TOGARAM2: variants seen among roughly 807,000 people sequenced by gnomAD.
The protein encoded by TOGARAM2 is TOG array regulator of axonemal microtubules protein 2.
In TOGARAM2, 85 loss-of-function variants were observed where a neutral mutation model predicts 93.3. That is an observed-to-expected ratio of 0.91 (90% confidence interval 0.76 to 1.09). The LOEUF (loss-of-function observed/expected upper bound fraction) is 1.09. Ranked by LOEUF, TOGARAM2 falls within the 50% of genes least tolerant of loss-of-function variation. The pLI, the probability that TOGARAM2 is intolerant of heterozygous loss-of-function variation, is 0.00. For missense variants in TOGARAM2, 1,277 were observed against 1,334.5 expected (o/e 0.96, Z 0.67); for synonymous variants, 593 against 552.8 (o/e 1.07, Z -1.02).
chr2:28,969,365 C>T (rs1271878719), intron 1 of TOGARAM2, among the ~76,000 whole-genome samples: 1 of 152,208 alleles, frequency 6.6e-6, no homozygotes, highest in African/African-American at 2.4e-5. Context: ...GGGCAGCAGT[C>T]GTGAGTGCTA....
chr2:29,017,717 C>T (rs1664671082), intron 9 of TOGARAM2, 75 bp from the exon 10 acceptor site: 5 of 1,413,754 alleles, frequency 3.5e-6, no homozygotes, highest in Middle Eastern at 1.8e-4. Context: ...AGCCATGGGT[C>T]CATTTTCAAA....
chr2:28,998,857 A>G (rs759405806), intron 3 of TOGARAM2, among the ~76,000 whole-genome samples: 1 of 151,770 alleles, frequency 6.6e-6, no homozygotes, highest in Non-Finnish European at 1.5e-5. Context: ...ACTTTGTTGG[A>G]CCCTGGAGAT....
intron 6 of TOGARAM2, 37 bp from the exon 7 acceptor site, chr2:29,011,418 T>A (rs560734608): frequency 1.2e-6 from 2 of 1,607,086 alleles, no homozygotes; most frequent in South Asian, 1.1e-5. Context: ...TGGCTGGCCA[T>A]CCCTCATGAT....
chr2:29,004,942 GCA>G (rs1558421021), intron 6 of TOGARAM2, among the ~76,000 whole-genome samples: 15 of 135,476 alleles, frequency 1.1e-4, no homozygotes, highest in East Asian at 2.3e-4. Flanking sequence ...GCATGTGTGT[GCA>G]TGTGTGTGCA....
At position 29,052,127 on chromosome 2, in the gene TOGARAM2, T is replaced by C. The variant is rs748757336; in HGVS notation, c.*34T>C. 6.7e-7 allele frequency: 1 copy of C among 1,482,788 alleles called. No homozygotes were observed. Among genetic ancestry groups the C allele is most frequent in the South Asian group, 1.5e-5 (1 of 68,678 alleles). 91.9% of individuals were successfully genotyped at this position (1,482,788 alleles called of 1,614,324 possible). The stretch of plus-strand genomic sequence containing the variant: ...CTGAAATGGGCAATTATTATTTATC[T>C]TATTTTTTTGATGGACTATTCTCCT... On this transcript the variant is annotated 3_prime_UTR_variant, in exon 20 of 20. Transcript: ENST00000379558.
intron 1 of TOGARAM2, among the ~76,000 whole-genome samples, chr2:28,966,675 G>T (rs749006896): frequency 2.0e-5 from 3 of 152,118 alleles, no homozygotes; most frequent in Non-Finnish European, 4.4e-5. Flanking sequence ...ATTGCAGCAA[G>T]AATTACCCAC....
intron 16 of TOGARAM2, among the ~76,000 whole-genome samples, chr2:29,034,421 T>A (rs773202205): frequency 1.3e-5 from 2 of 152,258 alleles, no homozygotes; most frequent in Non-Finnish European, 1.5e-5. Context: ...GTCAGCCCCG[T>A]TGATGTATCT....
At chr2:28,987,122 A>G (rs760675246) in intron 1 of TOGARAM2, among the ~76,000 whole-genome samples, 24 of 152,230 alleles carry the variant, frequency 1.6e-4, no homozygotes, top group Non-Finnish European at 2.6e-4. Flanking sequence ...CATCTTGTCT[A>G]TAAAATGAAG....
At chr2:28,997,460 G>C (rs184922102) in intron 2 of TOGARAM2, among the ~76,000 whole-genome samples, 1 of 152,156 alleles carries the variant, frequency 6.6e-6, no homozygotes, top group Non-Finnish European at 1.5e-5. Context: ...CTTAATCATT[G>C]TGTTCTCCGC....
intron 10 of TOGARAM2, among the ~76,000 whole-genome samples, chr2:29,020,860 G>A (rs1028525175): frequency 6.6e-6 from 1 of 152,200 alleles, no homozygotes; most frequent in Non-Finnish European, 1.5e-5. Context: ...GCCAAGGGCA[G>A]TGCTGAAAAA....
intron 1 of TOGARAM2, among the ~76,000 whole-genome samples, chr2:28,994,501 G>T (rs556086440): frequency 2.6e-5 from 4 of 152,166 alleles, no homozygotes; most frequent in Admixed American, 2.6e-4. Context: ...CAGGTTGATG[G>T]GTTTTGTTGA....
chr2:29,024,422 A>C (rs1176781586), intron 13 of TOGARAM2, 48 bp downstream of exon 13: 1 of 1,284,064 alleles, frequency 7.8e-7, no homozygotes, highest in African/African-American at 1.5e-5. Flanking sequence ...AGGGAAGGTA[A>C]GGCAAGGGGA....
chr2:28,976,834 T>G (rs1672045565), upstream of TOGARAM2, among the ~76,000 whole-genome samples: 2 of 152,318 alleles, frequency 1.3e-5, no homozygotes, highest in South Asian at 4.1e-4. Context: ...GAGGGGCCTG[T>G]TCTGTGTCCT....
chr2:29,026,761 A>G, intron 13 of TOGARAM2, 92 bp from the exon 14 acceptor site: 4 of 1,316,474 alleles, frequency 3.0e-6, no homozygotes, highest in Non-Finnish European at 4.0e-6. Flanking sequence ...GGCATGAAGC[A>G]TGGGTCTGCA....
intron 18 of TOGARAM2, among the ~76,000 whole-genome samples, chr2:29,043,336 G>A (rs923138336): frequency 1.3e-5 from 2 of 152,224 alleles, no homozygotes; most frequent in Non-Finnish European, 1.5e-5. Context: ...AGGACAGCAA[G>A]GGAAGCAGGG....
intron 1 of TOGARAM2, among the ~76,000 whole-genome samples, chr2:28,973,449 T>TCCTG (rs1553333630): frequency 8.3e-4 from 100 of 120,542 alleles, no homozygotes; most frequent in Non-Finnish European, 1.3e-3. Flanking sequence ...TCCCCTTCCT[T>TCCTG]CCTTCCTTCC....
intron 18 of TOGARAM2, among the ~76,000 whole-genome samples, chr2:29,042,417 G>A (rs113575751): frequency 1.8e-4 from 27 of 152,342 alleles, no homozygotes; most frequent in African/African-American, 6.3e-4. Context: ...TCTGGGGAGA[G>A]GGGATGTTTG....
upstream of TOGARAM2, among the ~76,000 whole-genome samples, chr2:28,977,287 C>A (rs1276610544): frequency 2.0e-5 from 3 of 152,164 alleles, no homozygotes; most frequent in African/African-American, 7.2e-5. Context: ...CCTGGGGGCA[C>A]CTTATCCTGA....
At chr2:29,018,094 G>C in intron 10 of TOGARAM2, 138 bp downstream of exon 10, 1 of 1,019,672 alleles carries the variant, frequency 9.8e-7, no homozygotes, top group Non-Finnish European at 1.4e-6. Context: ...GCCTGGGGTG[G>C]TGGTTGCCTT....
Sources: allele counts gnomAD v4.1 joint callset (sites outside exome capture counted in the v4.1 genomes callset), GRCh38; gene constraint gnomAD v4.1.1; transcripts MANE v1.5; gene names NCBI Gene and HGNC (gene_info 2026-07-23, HGNC 2026-07-21).